COBLL1: variants seen among roughly 807,000 people sequenced by gnomAD.
The protein encoded by COBLL1 is cordon-bleu protein-like 1.
COBLL1 carries 50 observed loss-of-function variants against 94.8 expected under a neutral mutation model. The observed-to-expected ratio is 0.53, with a 90% CI of 0.42 to 0.67. The LOEUF is 0.67. Ranked by LOEUF, COBLL1 falls within the 30% of genes least tolerant of loss-of-function variation. The pLI, the probability that COBLL1 is intolerant of heterozygous loss-of-function variation, is 0.00. For synonymous variants in COBLL1, 448 were observed against 473.8 expected, an observed-to-expected ratio of 0.95 and a Z score of 0.71; for missense variants, 1,362 against 1,348.7, an observed-to-expected ratio of 1.01 and a Z score of -0.15.
intron 7 of COBLL1, chr2:164,721,747 A>C (rs1342041046): frequency 6.1e-6 from 1 of 163,800 alleles, no homozygotes; most frequent in East Asian, 1.7e-4. Flanking sequence ...CATTCCTATT[A>C]CATGCACCTA....
At chr2:164,758,712 A>G (rs1687533838) in intron 2 of COBLL1, among the ~76,000 whole-genome samples, 1 of 152,198 alleles carries the variant, frequency 6.6e-6, no homozygotes, top group Admixed American at 6.5e-5. Flanking sequence ...GAACTATGTG[A>G]AACTCTGACC....
At chr2:164,686,078 T>A in intron 13 of COBLL1, 46 bp from the exon 14 acceptor site, 1 of 1,043,772 alleles carries the variant, frequency 9.6e-7, no homozygotes, top group Non-Finnish European at 1.4e-6. Context: ...TAAAATGGGA[T>A]AGCTGTCTAA....
chr2:164,838,657 T>C (rs1683438327), intron 2 of COBLL1, among the ~76,000 whole-genome samples: 1 of 152,194 alleles, frequency 6.6e-6, no homozygotes, highest in South Asian at 2.1e-4. Flanking sequence ...GATTCTCATT[T>C]ATAAAATGTG....
At chr2:164,694,188 A>G in intron 12 of COBLL1, 81 bp downstream of exon 12, 1 of 1,354,234 alleles carries the variant, frequency 7.4e-7, no homozygotes. Context: ...TAAGTAGCAC[A>G]CAAACATCAA....
At chr2:164,817,361 T>TAAAAAAA (rs10599487) in intron 2 of COBLL1, among the ~76,000 whole-genome samples, 29 of 116,296 alleles carry the variant, frequency 2.5e-4, no homozygotes, top group Non-Finnish European at 2.7e-4. Context: ...TGGTATATAT[T>TAAAAAAA]AAAAAAAAAA....
chr2:164,799,918 T>C (rs1475604911), intron 2 of COBLL1, among the ~76,000 whole-genome samples: 1 of 152,176 alleles, frequency 6.6e-6, no homozygotes, highest in Non-Finnish European at 1.5e-5. Flanking sequence ...GAGCTAAAGC[T>C]TATACCTTTA....
At chr2:164,804,095 A>C (rs1683964800) in intron 2 of COBLL1, among the ~76,000 whole-genome samples, 1 of 147,742 alleles carries the variant, frequency 6.8e-6, no homozygotes, top group African/African-American at 2.5e-5. Flanking sequence ...TTACATGACC[A>C]ATGTTAGGCC....
intron 3 of COBLL1, among the ~76,000 whole-genome samples, chr2:164,739,799 A>G (rs1292641535): frequency 6.6e-6 from 1 of 152,218 alleles, no homozygotes; most frequent in African/African-American, 2.4e-5. Flanking sequence ...GAGTCTTCCC[A>G]TTAGGTAGTT....
At chr2:164,675,624 C>T (rs1460862718), downstream of COBLL1, among the ~76,000 whole-genome samples, 4 of 152,006 alleles carry the variant, frequency 2.6e-5, no homozygotes, top group Admixed American at 2.0e-4. Flanking sequence ...AAAAGTGAGC[C>T]GAAAGTCCCA....
chr2:164,786,778 T>C (rs1688982186), intron 2 of COBLL1, among the ~76,000 whole-genome samples: 1 of 152,110 alleles, frequency 6.6e-6, no homozygotes, highest in African/African-American at 2.4e-5. Flanking sequence ...ATGATTTCCA[T>C]TGTACTTCTT....
At chr2:164,816,597 T>C (rs1420574905) in intron 2 of COBLL1, among the ~76,000 whole-genome samples, 2 of 152,314 alleles carry the variant, frequency 1.3e-5, no homozygotes, top group East Asian at 3.9e-4. Flanking sequence ...GATATTATAC[T>C]GTAAGAATCC....
At chr2:164,762,728 G>A (rs1574541551) in intron 2 of COBLL1, among the ~76,000 whole-genome samples, 1 of 120,468 alleles carries the variant, frequency 8.3e-6, no homozygotes, top group Admixed American at 1.0e-4. Flanking sequence ...ACGCAGTCTT[G>A]CTCTGTCACC....
intron 2 of COBLL1, among the ~76,000 whole-genome samples, chr2:164,838,638 T>G (rs1683437764): frequency 6.6e-6 from 1 of 152,244 alleles, no homozygotes; most frequent in Non-Finnish European, 1.5e-5. Context: ...TCAGTGTTTC[T>G]GAGCTTCAGA....
intron 3 of COBLL1, among the ~76,000 whole-genome samples, chr2:164,741,559 C>T (rs1047948635): frequency 2.0e-5 from 3 of 151,548 alleles, no homozygotes; most frequent in African/African-American, 7.3e-5. Context: ...AGCCAATAGG[C>T]GCCAAGCCCT....
At chr2:164,812,213 G>C (rs182307364) in intron 2 of COBLL1, among the ~76,000 whole-genome samples, 1 of 152,108 alleles carries the variant, frequency 6.6e-6, no homozygotes, top group Non-Finnish European at 1.5e-5. Context: ...AGGTCAGCCA[G>C]TCAAGAACAC....
intron 2 of COBLL1, among the ~76,000 whole-genome samples, chr2:164,803,701 A>C (rs1266500179): frequency 6.6e-6 from 1 of 152,176 alleles, no homozygotes; most frequent in African/African-American, 2.4e-5. Flanking sequence ...ACATTGTACA[A>C]AATATCACCT....
At chr2:164,798,430 T>C (rs1312156468) in intron 2 of COBLL1, among the ~76,000 whole-genome samples, 5 of 152,136 alleles carry the variant, frequency 3.3e-5, no homozygotes. Context: ...TCAAGAAAAA[T>C]TGTCACAAAG....
chr2:164,804,736 T>C (rs576381629), intron 2 of COBLL1, among the ~76,000 whole-genome samples: 2 of 152,302 alleles, frequency 1.3e-5, no homozygotes, highest in South Asian at 2.1e-4. Flanking sequence ...AATAATATAA[T>C]GTGTAAAACA....
At chr2:164,703,625 T>C (rs1325541646) in intron 9 of COBLL1, 1 of 424,556 alleles carries the variant, frequency 2.4e-6, no homozygotes, top group South Asian at 1.8e-5. Context: ...AATTCTTAAA[T>C]ACCACTTAAA....
Sources: gnomAD v4.1 joint callset for allele counts (sites outside exome capture counted in the v4.1 genomes callset) on GRCh38, gnomAD v4.1.1 for gene constraint, MANE v1.5 for transcripts, NCBI Gene and HGNC (gene_info 2026-07-23, HGNC 2026-07-21) for gene names.